FMN1: variants seen among roughly 807,000 people sequenced by gnomAD.
The protein encoded by FMN1 is formin-1.
Under a neutral mutation model 132.4 loss-of-function variants are expected in FMN1, and 110 were observed. The ratio of observed to expected loss-of-function variants is 0.83; its 90% confidence interval spans 0.71 to 0.97. The LOEUF (loss-of-function observed/expected upper bound fraction) is 0.97. Among genes scored for constraint, FMN1 ranks in the 50% least tolerant of loss-of-function variants. FMN1 has a pLI of 0.00. For missense variants in FMN1, 1,792 were observed against 1,705.3 expected (o/e 1.05, Z -0.90); for synonymous variants, 722 against 651.7 (o/e 1.11, Z -1.64).
chr15:32,860,249 A>C (rs752965756), intron 16 of FMN1, among the ~76,000 whole-genome samples: 2 of 150,822 alleles, frequency 1.3e-5, no homozygotes, highest in Non-Finnish European at 3.0e-5. Flanking sequence ...GGAAGGAAAG[A>C]AGGAAGGAAG....
intron 17 of FMN1, among the ~76,000 whole-genome samples, chr15:32,847,348 T>C (rs1185462095): frequency 1.3e-5 from 2 of 152,134 alleles, no homozygotes; most frequent in Non-Finnish European, 2.9e-5. Flanking sequence ...TAAGAGTTAA[T>C]GATACTTATC....
At chr15:33,119,972 C>T (rs1962400871) in intron 4 of FMN1, among the ~76,000 whole-genome samples, 3 of 152,092 alleles carry the variant, frequency 2.0e-5, no homozygotes, top group Admixed American at 6.6e-5. Flanking sequence ...TCTTATTAAG[C>T]GTCACAACAC....
At chr15:32,829,834 C>G (rs535442363) in intron 17 of FMN1, among the ~76,000 whole-genome samples, 27 of 152,210 alleles carry the variant, frequency 1.8e-4, no homozygotes, top group African/African-American at 6.5e-4. Flanking sequence ...TAGAACTCTT[C>G]AAGTTGTGAG....
intron 19 of FMN1, among the ~76,000 whole-genome samples, chr15:32,792,869 A>G (rs538595199): frequency 4.6e-5 from 7 of 152,294 alleles, no homozygotes; most frequent in Admixed American, 2.6e-4. Flanking sequence ...GCAACCACAA[A>G]AGAGAAGAAA....
At chr15:33,107,424 A>C (rs1294752196) in intron 4 of FMN1, among the ~76,000 whole-genome samples, 1 of 152,056 alleles carries the variant, frequency 6.6e-6, no homozygotes, top group Non-Finnish European at 1.5e-5. Context: ...AGTTAAAATA[A>C]AATGCAAATC....
chr15:32,965,704 G>A (rs750697140), intron 8 of FMN1, among the ~76,000 whole-genome samples: 16 of 151,986 alleles, frequency 1.1e-4, no homozygotes, highest in Non-Finnish European at 2.2e-4. Context: ...TTTTGGTTTT[G>A]GCCACATTCA....
chr15:33,066,152 AG>A (rs964168317), intron 5 of FMN1, among the ~76,000 whole-genome samples: 1 of 152,220 alleles, frequency 6.6e-6, no homozygotes, highest in African/African-American at 2.4e-5. Flanking sequence ...GGTATAATTA[AG>A]GGGTGAGGAA....
chr15:32,988,391 A>G (rs343928), intron 7 of FMN1, among the ~76,000 whole-genome samples: 144,215 of 152,232 alleles, frequency 0.95, 68,587 homozygotes, highest in East Asian at 1. Flanking sequence ...CAACTGATTT[A>G]TACATTCGTA....
chr15:33,047,920 T>C (rs189296137), intron 6 of FMN1, among the ~76,000 whole-genome samples: 2 of 152,280 alleles, frequency 1.3e-5, no homozygotes, highest in African/African-American at 4.8e-5. Context: ...CTTACAACTA[T>C]TGGATCTTCT....
chr15:32,910,705 A>T (rs1164861130), intron 10 of FMN1, among the ~76,000 whole-genome samples, 170 bp from the exon 11 acceptor site: 1 of 152,222 alleles, frequency 6.6e-6, no homozygotes, highest in Non-Finnish European at 1.5e-5. Context: ...AATGAAAGAA[A>T]CCAAAATGGT....
At chr15:33,100,986 AAG>A (rs2039272179) in intron 4 of FMN1, among the ~76,000 whole-genome samples, 1 of 152,212 alleles carries the variant, frequency 6.6e-6, no homozygotes, top group Non-Finnish European at 1.5e-5. Context: ...AAACACATAA[AAG>A]AGATCAAAAT....
chr15:32,784,100 A>G (rs2056768829), intron 19 of FMN1, among the ~76,000 whole-genome samples: 1 of 152,208 alleles, frequency 6.6e-6, no homozygotes, highest in African/African-American at 2.4e-5. Flanking sequence ...GCCAATCAAG[A>G]GATAAATGAG....
intron 15 of FMN1, among the ~76,000 whole-genome samples, chr15:32,894,974 C>T (rs1026432120): frequency 2.6e-5 from 4 of 152,120 alleles, no homozygotes; most frequent in African/African-American, 9.7e-5. Context: ...CCTATACACT[C>T]TCCATAAGAG....
intron 16 of FMN1, among the ~76,000 whole-genome samples, chr15:32,862,277 C>T (rs1248818776): frequency 7.9e-5 from 12 of 152,082 alleles, no homozygotes; most frequent in Admixed American, 7.9e-4. Flanking sequence ...TTGCCTCAGG[C>T]GTGGGCTGTG....
chr15:32,920,022 A>T (rs1368297112), intron 10 of FMN1, among the ~76,000 whole-genome samples: 1 of 152,226 alleles, frequency 6.6e-6, no homozygotes, highest in Non-Finnish European at 1.5e-5. Context: ...AGAACTAAAT[A>T]AAGGATGTTT....
intron 2 of FMN1, among the ~76,000 whole-genome samples, chr15:33,193,423 G>GC (rs2140367816): frequency 6.6e-6 from 1 of 152,112 alleles, no homozygotes; most frequent in South Asian, 2.1e-4. Flanking sequence ...ATTTAGATGC[G>GC]CCCCTCCGCC....
intron 9 of FMN1, among the ~76,000 whole-genome samples, chr15:32,949,483 G>A (rs975727612): frequency 2.6e-5 from 4 of 152,010 alleles, no homozygotes; most frequent in African/African-American, 9.7e-5. Context: ...ATGGTCCTAG[G>A]ATAACTGGCT....
In FMN1 at chr15:32,772,096, A is replaced by C. The variant is rs17816333; in HGVS notation, c.*2214T>G. The stretch of plus-strand genomic sequence containing the variant: ...TTTGTAGAAATAGGTATTTTACTGC[A>C]AAGTTTTAGTCTGTTCACTAGGATG... On this transcript the variant is annotated 3_prime_UTR_variant, in exon 21 of 21. Coordinates refer to ENST00000616417, the MANE Select transcript of FMN1 (RefSeq NM_001277313.2). 1 of 152,104 alleles carries C rather than the reference A, an allele frequency of 6.6e-6. No homozygotes were observed. The highest frequency in any genetic ancestry group is 2.1e-4 in the South Asian group (1 of 4,832). The allele number at this position is 152,104 out of a possible 1,614,324, so 9.4% of individuals were successfully genotyped here. A position where few individuals can be genotyped will look rare whatever the true frequency, so the allele number is the denominator to read the frequency against.
At chr15:33,175,019 A>G (rs948275341) in intron 3 of FMN1, among the ~76,000 whole-genome samples, 3 of 150,970 alleles carry the variant, frequency 2.0e-5, no homozygotes, top group African/African-American at 7.3e-5. Flanking sequence ...GTTTCCTTTC[A>G]GAGGAGGAAA....
Sources: allele counts gnomAD v4.1 joint callset (sites outside exome capture counted in the v4.1 genomes callset), GRCh38; gene constraint gnomAD v4.1.1; transcripts MANE v1.5; gene names NCBI Gene and HGNC (gene_info 2026-07-23, HGNC 2026-07-21).